PARP4: variants seen among roughly 807,000 people sequenced by gnomAD.
PARP4 encodes the protein protein mono-ADP-ribosyltransferase PARP4.
In PARP4, 120 loss-of-function variants were observed where a neutral mutation model predicts 187.7. The ratio of observed to expected loss-of-function variants is 0.64; its 90% CI spans 0.55 to 0.74. PARP4 has a LOEUF of 0.74. Ranked by LOEUF, PARP4 falls within the 30% of genes least tolerant of loss-of-function variation. PARP4 has a pLI of 0.00. For missense variants in PARP4, 1,836 were observed against 2,070.5 expected (o/e 0.89, Z 2.20); for synonymous variants, 654 against 740.9 (o/e 0.88, Z 1.90).
intron 12 of PARP4, among the ~76,000 whole-genome samples, chr13:24,483,258 G>A (rs9581071): frequency 1.4e-4 from 21 of 151,340 alleles, no homozygotes; most frequent in Non-Finnish European, 2.7e-4. Context: ...AGGCCGAGGC[G>A]GGTGGATCAT....
intron 10 of PARP4, among the ~76,000 whole-genome samples, chr13:24,487,172 A>G (rs1873606345): frequency 6.6e-6 from 1 of 151,758 alleles, no homozygotes; most frequent in African/African-American, 2.4e-5. Context: ...AGGCAGGAGA[A>G]TCGCTTGAAG....
At chr13:24,449,621 T>C (rs1593603604) in intron 25 of PARP4, 97 bp downstream of exon 25, 1 of 712,632 alleles carries the variant, frequency 1.4e-6, no homozygotes, top group Non-Finnish European at 2.4e-6. Flanking sequence ...ACGGCTCCCC[T>C]CTCATTCAAG....
intron 3 of PARP4, among the ~76,000 whole-genome samples, chr13:24,500,719 G>C (rs904655547): frequency 6.6e-6 from 1 of 152,168 alleles, no homozygotes; most frequent in South Asian, 2.1e-4. Context: ...GGCACATCAC[G>C]AGCGAAGGAG....
chr13:24,422,425 A>G (rs974898511), intron 33 of PARP4, among the ~76,000 whole-genome samples: 5 of 152,188 alleles, frequency 3.3e-5, no homozygotes, highest in African/African-American at 1.2e-4. Context: ...AACTGCTGAA[A>G]ACAACAAAAC....
chr13:24,424,919 G>A (rs572934487), intron 33 of PARP4, among the ~76,000 whole-genome samples: 2 of 151,270 alleles, frequency 1.3e-5, no homozygotes, highest in South Asian at 2.1e-4. Flanking sequence ...TCCCAACCTC[G>A]TGATCTGCCC....
intron 27 of PARP4, among the ~76,000 whole-genome samples, chr13:24,445,491 G>A (rs142787056): frequency 1.4e-3 from 213 of 152,140 alleles, no homozygotes; most frequent in African/African-American, 4.9e-3. Flanking sequence ...AATGAAACCT[G>A]CATTAAAAAC....
chr13:24,439,204 G>A (rs1870790353), intron 30 of PARP4, among the ~76,000 whole-genome samples: 1 of 151,976 alleles, frequency 6.6e-6, no homozygotes, highest in Admixed American at 6.6e-5. Flanking sequence ...GCTCGCTCCT[G>A]TAATCCCAGC....
intron 16 of PARP4, among the ~76,000 whole-genome samples, chr13:24,469,325 G>A (rs957762021): frequency 6.6e-6 from 1 of 152,122 alleles, no homozygotes; most frequent in Non-Finnish European, 1.5e-5. Flanking sequence ...TTTCAGTTGG[G>A]ATCAAAATAT....
chr13:24,470,101 T>C (rs1872668816), intron 15 of PARP4, 76 bp from the exon 16 acceptor site: 24 of 1,332,588 alleles, frequency 1.8e-5, no homozygotes, highest in Non-Finnish European at 2.5e-5. Flanking sequence ...CGAACGAAAA[T>C]GATTTTGCAT....
rs187327532 is a variant in PARP4, at chr13:24,499,474, A to C, written c.402-98T>G. The C allele has an allele frequency of 3.1e-4, 288 of 923,918 alleles. No individual in the cohort carries two copies. The African/African-American group carries it at 4.6e-3, about 15-fold the overall frequency. 57.2% of individuals were successfully genotyped at this position (923,918 alleles called of 1,614,324 possible). A position where few individuals can be genotyped will look rare whatever the true frequency, so the allele number is the denominator to read the frequency against. On this transcript the variant is annotated intron_variant, in intron 4 of 33. Coordinates refer to ENST00000381989, the MANE Select transcript of PARP4 (RefSeq NM_006437.4). ...TTTCTTGTACATCTTTACAAAATAC[A>C]TGATAGATTCCTTACAAAACACATG...
At chr13:24,434,363 AC>A (rs1370692957) in intron 31 of PARP4, 31 bp downstream of exon 31, 4 of 1,513,440 alleles carry the variant, frequency 2.6e-6, no homozygotes, top group African/African-American at 2.8e-5. Context: ...AAGCCAGCCA[AC>A]CACAGATTTA....
chr13:24,445,114 T>C (rs1871144393), intron 27 of PARP4, among the ~76,000 whole-genome samples: 1 of 152,026 alleles, frequency 6.6e-6, no homozygotes, highest in Non-Finnish European at 1.5e-5. Context: ...GGTATGAAAC[T>C]TCACTCATCT....
rs2119491 is a variant in PARP4, at chr13:24,503,788, A to C, written c.-1-11T>G. The C allele has an allele frequency of 2.9e-3, 4,725 of 1,612,254 alleles. 123 individuals carry two copies. In the African/African-American group the frequency reaches 0.053, roughly 18 times the overall value. ...ATTCCCATCACCATCCTGTAGGAAAAAAAGTTTTTAAGGACCCTCTCTTAA... is the reference window on the plus strand; with the variant it reads ...ATTCCCATCACCATCCTGTAGGAAACAAAGTTTTTAAGGACCCTCTCTTAA... On this transcript the variant is annotated splice_polypyrimidine_tract_variant and intron_variant, in intron 1 of 33. Transcript: ENST00000381989.
intron 1 of PARP4, 144 bp downstream of exon 1, chr13:24,512,562 G>A (rs1421859642): frequency 6.6e-6 from 1 of 152,262 alleles, no homozygotes; most frequent in African/African-American, 2.4e-5. Flanking sequence ...GTCCACTCCC[G>A]AGCCTAGCAG....
At chr13:24,464,851 C>T (rs954207242) in intron 17 of PARP4, among the ~76,000 whole-genome samples, 11 of 151,924 alleles carry the variant, frequency 7.2e-5, no homozygotes, top group Middle Eastern at 3.2e-3. Flanking sequence ...AGCAGAGCGA[C>T]CAGACAACCT....
At chr13:24,438,681 G>A (rs9581038) in intron 30 of PARP4, among the ~76,000 whole-genome samples, 5,370 of 152,282 alleles carry the variant, frequency 0.035, 324 homozygotes, top group African/African-American at 0.12. Flanking sequence ...GGGAGGACAA[G>A]AGCACACAGC....
chr13:24,492,664 T>C, intron 8 of PARP4, 70 bp from the exon 9 acceptor site: 1 of 1,247,878 alleles, frequency 8.0e-7, no homozygotes, highest in Non-Finnish European at 1.1e-6. Context: ...TGCACAAAAC[T>C]ATATAAATAA....
At position 24,486,296 on chromosome 13, in the gene PARP4, T is replaced by C. The variant is rs1405602177; in HGVS notation, c.1224A>G (p.Pro408=). Residue 408 remains proline, a synonymous_variant, in exon 11 of 34, where the codon CCA becomes CCG. Transcript: ENST00000381989. The part of the protein sequence containing the change: ...EVLQNHHSKS[P]VDVLQIFRVG... ...CTCTAAATATCTGCAAGACATCCAC[T>C]GGGCTCTTACTGTAAGAATTAGAAG... 2 of 1,589,902 alleles carry C rather than the reference T, an allele frequency of 1.3e-6. No homozygotes were observed. Among genetic ancestry groups the C allele is most frequent in the Non-Finnish European group, 1.7e-6 (2 of 1,159,010 alleles).
chr13:24,453,544 G>T, intron 23 of PARP4, 43 bp downstream of exon 23: 1 of 1,228,486 alleles, frequency 8.1e-7, no homozygotes, highest in Non-Finnish European at 1.2e-6. Context: ...TTAAAGCATG[G>T]TAGGAAAAGA....
Sources: allele counts gnomAD v4.1 joint callset (sites outside exome capture counted in the v4.1 genomes callset), GRCh38; gene constraint gnomAD v4.1.1; transcripts MANE v1.5; gene names NCBI Gene and HGNC (gene_info 2026-07-23, HGNC 2026-07-21).